The following FOXP1 variants were observed in gnomAD, a reference collection of about 807,000 sequenced individuals.
FOXP1 encodes forkhead box protein P1.
A neutral mutation model predicts 98.2 loss-of-function variants in FOXP1; 15 were observed. The ratio of observed to expected loss-of-function variants is 0.15; its 90% CI spans 0.10 to 0.24. The LOEUF is 0.24. Ranked by LOEUF, FOXP1 falls within the 10% of genes least tolerant of loss-of-function variation. FOXP1 has a pLI of 1.00. For missense variants in FOXP1, 633 were observed against 848.5 expected (o/e 0.75, Z 3.15); for synonymous variants, 371 against 314.5 (o/e 1.18, Z -1.90).
intron 3 of FOXP1, among the ~76,000 whole-genome samples, chr3:71,368,255 G>A (rs980762027): frequency 6.6e-6 from 1 of 152,084 alleles, no homozygotes; most frequent in African/African-American, 2.4e-5. Context: ...CTCCTGAGTA[G>A]CTGGGATAAA....
intron 6 of FOXP1, among the ~76,000 whole-genome samples, chr3:71,163,649 T>A (rs1267554284): frequency 6.6e-6 from 1 of 152,150 alleles, no homozygotes; most frequent in African/African-American, 2.4e-5. Flanking sequence ...TTCTCACATT[T>A]CAGAACAAGC....
At chr3:70,963,937 G>T (rs180907876) in intron 20 of FOXP1, among the ~76,000 whole-genome samples, 80 of 152,258 alleles carry the variant, frequency 5.3e-4, no homozygotes, top group Non-Finnish European at 1.0e-3. Flanking sequence ...CCTTCAAGCC[G>T]TGCCGTAAAG....
At chr3:71,115,982 C>T (rs1016144211) in intron 6 of FOXP1, among the ~76,000 whole-genome samples, 3 of 151,902 alleles carry the variant, frequency 2.0e-5, no homozygotes, top group African/African-American at 4.8e-5. Context: ...GTGATCTGCC[C>T]GCCTCAGCTT....
chr3:71,544,867 G>C (rs954431906), intron 2 of FOXP1, among the ~76,000 whole-genome samples: 8 of 151,418 alleles, frequency 5.3e-5, no homozygotes, highest in Non-Finnish European at 1.2e-4. Context: ...TCCAGATTCA[G>C]CTTATGATTG....
chr3:71,005,308 C>T (rs531547573), intron 12 of FOXP1, among the ~76,000 whole-genome samples: 21 of 19,726 alleles, frequency 1.1e-3, no homozygotes, highest in Admixed American at 3.6e-3. Context: ...AAACAAATAC[C>T]TGATTTAAAA....
At chr3:71,040,008 T>C (rs1485727982) in intron 11 of FOXP1, among the ~76,000 whole-genome samples, 1 of 152,078 alleles carries the variant, frequency 6.6e-6, no homozygotes, top group Non-Finnish European at 1.5e-5. Flanking sequence ...GGAAGGATAG[T>C]TGAAAATTTT....
chr3:71,065,478 A>G (rs1389659871), intron 7 of FOXP1: 1 of 152,210 alleles, frequency 6.6e-6, no homozygotes, highest in Non-Finnish European at 1.5e-5. Flanking sequence ...CTGGGAGGAG[A>G]ACTTTCGCTT....
intron 3 of FOXP1, among the ~76,000 whole-genome samples, chr3:71,452,967 C>G (rs1430765410): frequency 6.6e-6 from 1 of 152,162 alleles, no homozygotes; most frequent in Non-Finnish European, 1.5e-5. Flanking sequence ...CAACAACTGG[C>G]TGGAGTGAGG....
At chr3:71,342,383 A>C (rs2077058050) in intron 4 of FOXP1, among the ~76,000 whole-genome samples, 1 of 152,188 alleles carries the variant, frequency 6.6e-6, no homozygotes, top group Non-Finnish European at 1.5e-5. Flanking sequence ...TTATAAAAGC[A>C]AACAGGCCGC....
chr3:70,984,601 T>C (rs183674150), intron 14 of FOXP1, among the ~76,000 whole-genome samples: 20 of 152,288 alleles, frequency 1.3e-4, no homozygotes, highest in Admixed American at 1.3e-3. Flanking sequence ...TCAAGAAATA[T>C]TTGTTGATGG....
intron 2 of FOXP1, among the ~76,000 whole-genome samples, chr3:71,502,656 G>T (rs138944901): frequency 3.8e-4 from 58 of 152,212 alleles, no homozygotes; most frequent in African/African-American, 1.4e-3. Context: ...ATGAGAACAA[G>T]AATTATATTC....
chr3:71,438,133 A>T (rs1156233785), intron 3 of FOXP1, among the ~76,000 whole-genome samples: 3 of 152,238 alleles, frequency 2.0e-5, no homozygotes, highest in East Asian at 3.8e-4. Context: ...GTAGGCATCT[A>T]ACATGTTCAG....
In FOXP1 at chr3:71,047,071, ACTGCTGGGTAGCCAC is replaced by A; in HGVS notation, c.520_534del (p.Val174_Gln178del). The A allele has an allele frequency of 6.2e-7, 1 of 1,614,072 alleles. No homozygotes were observed. Among genetic ancestry groups the A allele is most frequent in the Non-Finnish European group, 8.5e-7 (1 of 1,179,952 alleles). On this transcript the variant is annotated inframe_deletion, in exon 10 of 21. Coordinates refer to ENST00000649528, the MANE Select transcript of FOXP1 (RefSeq NM_001349338.3). ...TGTAAAAGCTGCTGCTGAAAAGCCAACTGCTGGGTAGCCACCTGCTGTTGCTGTAAGAAATCAGGA... is the reference window on the plus strand; with the variant it reads ...TGTAAAAGCTGCTGCTGAAAAGCCAACTGCTGTTGCTGTAAGAAATCAGGA...
chr3:71,136,028 C>T (rs2059808399), intron 6 of FOXP1, among the ~76,000 whole-genome samples: 1 of 152,152 alleles, frequency 6.6e-6, no homozygotes, highest in South Asian at 2.1e-4. Context: ...GAGCGCAGGA[C>T]CAAATTGTCT....
intron 4 of FOXP1, among the ~76,000 whole-genome samples, chr3:71,315,260 C>G (rs900167580): frequency 1.3e-5 from 2 of 152,102 alleles, no homozygotes; most frequent in African/African-American, 4.8e-5. Context: ...AGGCACAGAA[C>G]CACTTTCCAG....
chr3:71,228,299 A>T (rs1008134297), intron 5 of FOXP1, among the ~76,000 whole-genome samples: 12 of 152,020 alleles, frequency 7.9e-5, no homozygotes, highest in Non-Finnish European at 1.6e-4. Flanking sequence ...ATTGGGTTAA[A>T]TAAAGACATG....
At chr3:71,004,489 C>T (rs62257221) in intron 12 of FOXP1, among the ~76,000 whole-genome samples, 2 of 152,198 alleles carry the variant, frequency 1.3e-5, no homozygotes, top group East Asian at 3.9e-4. Context: ...GAATTATTAG[C>T]TGAATAGTTA....
intron 2 of FOXP1, among the ~76,000 whole-genome samples, chr3:71,576,410 T>C (rs1287815212): frequency 6.6e-6 from 1 of 152,222 alleles, no homozygotes; most frequent in Admixed American, 6.5e-5. Flanking sequence ...TGCTGAGATG[T>C]TCCCGAACAC....
At chr3:71,298,671 ATGATGCAAGTC>A (rs1414215582) in intron 5 of FOXP1, among the ~76,000 whole-genome samples, 1 of 152,136 alleles carries the variant, frequency 6.6e-6, no homozygotes, top group African/African-American at 2.4e-5. Context: ...AGATGGTGAA[ATGATGCAAGTC>A]TGATTTTTCT....
Sources: allele counts gnomAD v4.1 joint callset (sites outside exome capture counted in the v4.1 genomes callset), GRCh38; gene constraint gnomAD v4.1.1; transcripts MANE v1.5; gene names NCBI Gene and HGNC (gene_info 2026-07-23, HGNC 2026-07-21).